The following GRAMD2B variants were observed in gnomAD, a reference collection of about 807,000 sequenced individuals.
GRAMD2B encodes the protein GRAM domain-containing protein 2B.
Under a neutral mutation model 59.2 loss-of-function variants are expected in GRAMD2B, and 41 were observed. The ratio of observed to expected loss-of-function variants is 0.69; its 90% CI spans 0.54 to 0.90. The LOEUF (loss-of-function observed/expected upper bound fraction) is 0.90. Among genes scored for constraint, GRAMD2B ranks in the 40% least tolerant of loss-of-function variants. The probability of loss-of-function intolerance (pLI) is 0.00; values close to 1 mark genes in which losing one functional copy is unlikely to be tolerated. For missense variants in GRAMD2B, 424 were observed against 500.5 expected (o/e 0.85, Z 1.46); for synonymous variants, 161 against 182.7 (o/e 0.88, Z 0.96).
At chr5:126,469,478 C>CA (rs1769130460) in intron 2 of GRAMD2B, among the ~76,000 whole-genome samples, 199 bp from the exon 3 acceptor site, 1 of 151,906 alleles carries the variant, frequency 6.6e-6, no homozygotes, top group Non-Finnish European at 1.5e-5. Flanking sequence ...CCCATCTCTA[C>CA]AAAAAAATGA....
chr5:126,369,374 T>C (rs1236406172), upstream of GRAMD2B, among the ~76,000 whole-genome samples: 1 of 152,224 alleles, frequency 6.6e-6, no homozygotes, highest in African/African-American at 2.4e-5. Context: ...AGATATAGTT[T>C]TTTTAATCTA....
In GRAMD2B at chr5:126,435,184, G is replaced by C. The variant is rs1762209720; in HGVS notation, c.83+11495G>C. 2.0e-5 allele frequency among the ~76,000 whole-genome samples: 3 copies of C among 152,210 alleles called. No individual in the cohort carries two copies. The South Asian group carries it at 6.2e-4, about 32-fold the overall frequency. On this transcript the variant is annotated intron_variant, in intron 1 of 13. Transcript: ENST00000285689. ...AAGAGCGTCCAGTCTGGGGAGAGGG[G>C]AATGGGATGCATACCCACATAACTA...
At chr5:126,439,793 G>A (rs1762996838) in intron 1 of GRAMD2B, among the ~76,000 whole-genome samples, 1 of 152,130 alleles carries the variant, frequency 6.6e-6, no homozygotes, top group African/African-American at 2.4e-5. Context: ...CACATGTCAT[G>A]GGAGGGAGCC....
intron 1 of GRAMD2B, among the ~76,000 whole-genome samples, chr5:126,416,048 G>C (rs1759241932): frequency 6.6e-6 from 1 of 152,220 alleles, no homozygotes; most frequent in Non-Finnish European, 1.5e-5. Flanking sequence ...GACTAATATT[G>C]ATGGTGTGAT....
intron 6 of GRAMD2B, among the ~76,000 whole-genome samples, 161 bp downstream of exon 6, chr5:126,477,948 C>T (rs1318806332): frequency 6.6e-6 from 1 of 152,072 alleles, no homozygotes; most frequent in Non-Finnish European, 1.5e-5. Flanking sequence ...AAATTATAGC[C>T]TGTAGACATT....
At chr5:126,461,728 A>G (rs1023343789) in intron 1 of GRAMD2B, among the ~76,000 whole-genome samples, 4 of 152,170 alleles carry the variant, frequency 2.6e-5, no homozygotes, top group African/African-American at 9.7e-5. Flanking sequence ...TGAACCTGGG[A>G]GGTGGAGGCT....
At chr5:126,406,963 T>C (rs2149748965) in intron 1 of GRAMD2B, among the ~76,000 whole-genome samples, 1 of 152,182 alleles carries the variant, frequency 6.6e-6, no homozygotes, top group Middle Eastern at 3.4e-3. Flanking sequence ...AAACTCTGTA[T>C]TGGATCATAA....
At chr5:126,373,787 C>G (rs892803157) in intron 1 of GRAMD2B, among the ~76,000 whole-genome samples, 1 of 152,154 alleles carries the variant, frequency 6.6e-6, no homozygotes, top group African/African-American at 2.4e-5. Flanking sequence ...GACTTAGAAC[C>G]AGTCATCATA....
intron 1 of GRAMD2B, among the ~76,000 whole-genome samples, chr5:126,440,040 C>T (rs991264593): frequency 5.3e-4 from 81 of 152,040 alleles, no homozygotes; most frequent in African/African-American, 1.9e-3. Flanking sequence ...AATAAATTAC[C>T]CAGTCTCCGG....
At chr5:126,477,864 C>A in intron 6 of GRAMD2B, 77 bp downstream of exon 6, 2 of 842,370 alleles carry the variant, frequency 2.4e-6, no homozygotes, top group Non-Finnish European at 4.2e-6. Context: ...GGTCTCTTGC[C>A]AAGGACCAAG....
At chr5:126,435,989 T>C (rs55691520) in intron 1 of GRAMD2B, among the ~76,000 whole-genome samples, 4,424 of 152,312 alleles carry the variant, frequency 0.029, 92 homozygotes, top group Admixed American at 0.065. Flanking sequence ...ATAGCAGAGA[T>C]GCCTAATGGG....
Position 126,493,337 on chromosome 5 carries a change from C to T in GRAMD2B, c.*381C>T, listed in dbSNP as rs567422871. On this transcript the variant is annotated 3_prime_UTR_variant, in exon 14 of 14. Transcript: ENST00000285689. ...TGCCTCTCCCTTACACCCCTCTTAA[C>T]GACTTTCAAACTAAAGGATACATCA... is the stretch of plus-strand genomic sequence containing the variant. 13 of 199,928 alleles carry T rather than the reference C, an allele frequency of 6.5e-5. No homozygotes were observed. The highest frequency in any genetic ancestry group is 1.2e-4 in the South Asian group (1 of 8,224). The allele number at this position is 199,928 out of a possible 1,614,324, so 12.4% of individuals were successfully genotyped here.
chr5:126,487,958 G>T (rs974961803), intron 12 of GRAMD2B, among the ~76,000 whole-genome samples: 1 of 152,170 alleles, frequency 6.6e-6, no homozygotes, highest in Non-Finnish European at 1.5e-5. Flanking sequence ...TAGTAGGTCT[G>T]GGATGAGGCC....
At chr5:126,447,683 A>G (rs1381164861) in intron 1 of GRAMD2B, among the ~76,000 whole-genome samples, 5 of 151,274 alleles carry the variant, frequency 3.3e-5, no homozygotes, top group African/African-American at 4.9e-5. Context: ...AAAAAAAAAA[A>G]AAAGAAAGAG....
At chr5:126,482,631 A>T (rs932110381) in intron 8 of GRAMD2B, among the ~76,000 whole-genome samples, 1 of 152,238 alleles carries the variant, frequency 6.6e-6, no homozygotes, top group Non-Finnish European at 1.5e-5. Flanking sequence ...GAAATTTTCA[A>T]TTTTCCTTCT....
At chr5:126,476,131 G>A (rs1770557009) in intron 5 of GRAMD2B, among the ~76,000 whole-genome samples, 1 of 152,066 alleles carries the variant, frequency 6.6e-6, no homozygotes, top group African/African-American at 2.4e-5. Context: ...AAATTAGCTG[G>A]GTGTGGTGGC....
chr5:126,402,595 AC>A (rs1416881605), intron 1 of GRAMD2B, among the ~76,000 whole-genome samples: 13 of 152,116 alleles, frequency 8.5e-5, no homozygotes, highest in African/African-American at 2.6e-4. Flanking sequence ...ACAATCACTT[AC>A]CCACAATTCT....
intron 1 of GRAMD2B, among the ~76,000 whole-genome samples, chr5:126,398,018 ATTTTTTT>A (rs70994864): frequency 2.8e-5 from 2 of 72,446 alleles, no homozygotes; most frequent in Admixed American, 1.7e-4. Flanking sequence ...TTGTTGGGAG[ATTTTTTT>A]TTTTTTTTTT....
rs1474514791 is a variant in GRAMD2B at position 126,493,000 on chromosome 5, T to G, written c.*44T>G. On this transcript the variant is annotated 3_prime_UTR_variant, in exon 14 of 14. Coordinates refer to ENST00000285689, the MANE Select transcript of GRAMD2B (RefSeq NM_023927.4). ...CCATCGGAATACCTCATGTTTCCCT[T>G]TGAAGAAGGTGCTTCCTGAGGCGTT... is the stretch of plus-strand genomic sequence containing the variant. 1 of 1,543,414 alleles carries G rather than the reference T, an allele frequency of 6.5e-7. No individual in the cohort carries two copies. The highest frequency in any genetic ancestry group is 1.4e-5 in the African/African-American group (1 of 73,392).
Sources: allele counts gnomAD v4.1 joint callset (sites outside exome capture counted in the v4.1 genomes callset), GRCh38; gene constraint gnomAD v4.1.1; transcripts MANE v1.5; gene names NCBI Gene and HGNC (gene_info 2026-07-23, HGNC 2026-07-21).